The following PTPRD variants were observed in gnomAD, a reference collection of about 807,000 sequenced individuals.
PTPRD encodes the protein protein tyrosine phosphatase receptor type D.
PTPRD carries 34 observed loss-of-function variants against 214.5 expected under a neutral mutation model. The ratio of observed to expected loss-of-function variants is 0.16; its 90% CI spans 0.12 to 0.21. The LOEUF is 0.21. PTPRD is among the 10% of genes least tolerant of loss of function. The probability of loss-of-function intolerance (pLI) is 1.00; values close to 1 mark genes in which losing one functional copy is unlikely to be tolerated. For synonymous variants in PTPRD, 1,128 were observed against 845.7 expected (o/e 1.33, Z -5.79); for missense variants, 2,545 against 2,398.7 (o/e 1.06, Z -1.27).
chr9:9,880,163 C>A (rs1480198877), intron 5 of PTPRD, among the ~76,000 whole-genome samples: 1 of 152,134 alleles, frequency 6.6e-6, no homozygotes, highest in African/African-American at 2.4e-5. Context: ...AGTGTTCTCA[C>A]TTTGTGCACT....
At chr9:9,690,387 T>C (rs1248408299) in intron 7 of PTPRD, among the ~76,000 whole-genome samples, 2 of 151,994 alleles carry the variant, frequency 1.3e-5, no homozygotes, top group Non-Finnish European at 2.9e-5. Flanking sequence ...TATTAGTTCC[T>C]TGTCAGATGG....
chr9:10,587,010 C>T (rs932553917), intron 2 of PTPRD, among the ~76,000 whole-genome samples: 6 of 151,914 alleles, frequency 3.9e-5, no homozygotes, highest in African/African-American at 1.5e-4. Context: ...CATCAAGATC[C>T]TAGAAATATA....
intron 8 of PTPRD, among the ~76,000 whole-genome samples, chr9:9,496,734 G>A (rs2096209368): frequency 6.6e-6 from 1 of 152,156 alleles, no homozygotes; most frequent in South Asian, 2.1e-4. Context: ...ATATGATATA[G>A]TAATTCTACT....
intron 7 of PTPRD, among the ~76,000 whole-genome samples, chr9:9,652,456 GA>G (rs1478174959): frequency 6.6e-6 from 1 of 152,126 alleles, no homozygotes; most frequent in Non-Finnish European, 1.5e-5. Context: ...TAGAGTTCTT[GA>G]TATCACCAAC....
chr9:10,045,853 C>G (rs1400894236), intron 3 of PTPRD, among the ~76,000 whole-genome samples: 4 of 151,620 alleles, frequency 2.6e-5, no homozygotes, highest in Non-Finnish European at 4.4e-5. Flanking sequence ...TTAAAAGGAG[C>G]TAGCTGCATT....
chr9:9,815,139 A>T (rs2048358749), intron 5 of PTPRD, among the ~76,000 whole-genome samples: 1 of 152,182 alleles, frequency 6.6e-6, no homozygotes, highest in Non-Finnish European at 1.5e-5. Flanking sequence ...AAAAAATATG[A>T]TATTGGCATA....
At chr9:9,350,555 T>C (rs1427667856) in intron 9 of PTPRD, among the ~76,000 whole-genome samples, 4 of 152,048 alleles carry the variant, frequency 2.6e-5, no homozygotes, top group Non-Finnish European at 5.9e-5. Flanking sequence ...AGATAAGGTG[T>C]CATGGTCATC....
chr9:9,737,379 C>G (rs1192041010), intron 6 of PTPRD, among the ~76,000 whole-genome samples: 2 of 152,002 alleles, frequency 1.3e-5, no homozygotes, highest in African/African-American at 4.8e-5. Context: ...ATAATGTTTA[C>G]TATTTAAAAT....
chr9:9,708,633 G>A (rs2097670141), intron 7 of PTPRD, among the ~76,000 whole-genome samples: 1 of 151,806 alleles, frequency 6.6e-6, no homozygotes, highest in Admixed American at 6.6e-5. Context: ...CTAGTGTAGA[G>A]ACAACAAAAC....
intron 2 of PTPRD, among the ~76,000 whole-genome samples, chr9:10,408,906 C>T (rs531345170): frequency 8.6e-5 from 13 of 151,756 alleles, no homozygotes; most frequent in African/African-American, 3.1e-4. Flanking sequence ...CATCCTTTTG[C>T]TCATTAGCAT....
chr9:9,385,634 C>G (rs1445519285), intron 9 of PTPRD, among the ~76,000 whole-genome samples: 1 of 152,080 alleles, frequency 6.6e-6, no homozygotes, highest in African/African-American at 2.4e-5. Context: ...CCAGACTGGA[C>G]AAACCTTAGT....
At position 8,922,299 on chromosome 9, in the gene PTPRD, G is replaced by C. The variant is rs551505656; in HGVS notation, c.-104+96398C>G. On this transcript the variant is annotated intron_variant, in intron 11 of 45. Transcript: ENST00000381196. ...ATTTTCATCAATACCAGGACTTTCA[G>C]AAGAGAGCTCACTAGGATATTACTT... 4.6e-5 allele frequency among the ~76,000 whole-genome samples: 7 copies of C among 152,206 alleles called. No homozygotes were observed. In the South Asian group the frequency reaches 1.2e-3, roughly 27 times the overall value.
At chr9:8,463,637 T>C (rs77725085) in intron 32 of PTPRD, among the ~76,000 whole-genome samples, 1 of 151,976 alleles carries the variant, frequency 6.6e-6, no homozygotes, top group South Asian at 2.1e-4. Flanking sequence ...GAAAACAAAA[T>C]CATAAAATGA....
chr9:9,720,755 A>G (rs893798306), intron 7 of PTPRD, among the ~76,000 whole-genome samples: 2 of 152,184 alleles, frequency 1.3e-5, no homozygotes, highest in Non-Finnish European at 2.9e-5. Context: ...ATGCCCATCA[A>G]TGACAGGTTG....
chr9:10,044,349 G>C (rs931997453), intron 3 of PTPRD, among the ~76,000 whole-genome samples: 9 of 151,694 alleles, frequency 5.9e-5, no homozygotes, highest in Admixed American at 2.0e-4. Context: ...TTTAAAAATT[G>C]TTCAGCGATG....
chr9:9,619,100 G>A (rs2095077536), intron 7 of PTPRD, among the ~76,000 whole-genome samples: 1 of 152,152 alleles, frequency 6.6e-6, no homozygotes, highest in Admixed American at 6.6e-5. Flanking sequence ...TAGTGGACTG[G>A]TGGTACAAAT....
At chr9:8,335,534 T>C (rs1276415376) in intron 43 of PTPRD, among the ~76,000 whole-genome samples, 1 of 152,194 alleles carries the variant, frequency 6.6e-6, no homozygotes, top group Non-Finnish European at 1.5e-5. Flanking sequence ...ACAGCCACTG[T>C]CATAACGAAT....
intron 10 of PTPRD, among the ~76,000 whole-genome samples, chr9:9,154,992 G>GT (rs770449804): frequency 2.6e-5 from 4 of 152,112 alleles, no homozygotes; most frequent in African/African-American, 7.2e-5. Flanking sequence ...AGATTCATAG[G>GT]TTTTCTTAAA....
chr9:8,773,250 T>A (rs944375464), intron 11 of PTPRD, among the ~76,000 whole-genome samples: 5 of 152,148 alleles, frequency 3.3e-5, no homozygotes, highest in African/African-American at 1.2e-4. Flanking sequence ...CCTCTGTAGA[T>A]CTCCAGAGCT....
Sources: allele counts gnomAD v4.1 joint callset (sites outside exome capture counted in the v4.1 genomes callset), GRCh38; gene constraint gnomAD v4.1.1; transcripts MANE v1.5; gene names NCBI Gene and HGNC (gene_info 2026-07-23, HGNC 2026-07-21).